Variants in THTPA observed in about 807,000 individuals in gnomAD.
THTPA encodes the protein thiamine triphosphatase.
In THTPA, 16 loss-of-function variants were observed where a neutral mutation model predicts 16.5. That is an observed-to-expected ratio of 0.97 (90% CI 0.66 to 1.47). THTPA has a LOEUF of 1.47. Ranked by LOEUF, THTPA falls within the 40% of genes most tolerant of loss-of-function variation. THTPA has a pLI of 0.00. For synonymous variants in THTPA, 110 were observed against 115.5 expected (o/e 0.95, Z 0.30); for missense variants, 281 against 280.9 (o/e 1.00, Z 0.00).
chr14:23,548,511 G>A, the THTPA span: 11 of 152,218 alleles, frequency 7.2e-5, no homozygotes, highest in Admixed American at 7.2e-4. Context: ...ACCCTGTCAG[G>A]TTGCCAAGGC....
At chr14:23,534,018 G>T in the THTPA span, 1 of 1,536,916 alleles carries the variant, frequency 6.5e-7, no homozygotes, top group Non-Finnish European at 8.7e-7. This position sits in a 1 kb window ranked among gnomAD's most constrained non-coding sequence, Gnocchi z 4.5. Context: ...GGCTGGACAG[G>T]CTGAGGCCCT....
chr14:23,520,362 A>C, the THTPA span, among the ~76,000 whole-genome samples: 86 of 149,210 alleles, frequency 5.8e-4, no homozygotes, highest in South Asian at 0.018. The surrounding 1 kb of genome is among the most constrained non-coding windows in gnomAD (Gnocchi z 8.7). Context: ...ACTGGGGGGA[A>C]GGGAACAAGG....
At chr14:23,522,986 C>A in the THTPA span, 1 of 1,425,856 alleles carries the variant, frequency 7.0e-7, no homozygotes, top group Non-Finnish European at 9.1e-7. Context: ...ATCTCCTGTC[C>A]CATCATTCTT....
At position 23,557,242 on chromosome 14, in the gene THTPA, T is replaced by C; in HGVS notation, c.485T>C (p.Val162Ala). ...GYAVGEVEAL[V>A]HEEAEVPTAL... ...GCTGTGGGTGAGGTAGAGGCCCTGG[T>C]GCATGAGGAGGCTGAAGTACCAACT... is the stretch of plus-strand genomic sequence containing the variant. The change falls in exon 1 of 2, where the codon GTG becomes GCG. Residue 162 changes from valine to alanine, a missense_variant. By Grantham distance (64) the Val-to-Ala change is moderately conservative. Transcript: ENST00000288014. 6.2e-7 allele frequency: 1 copy of C among 1,612,722 alleles called. No homozygotes were observed. The highest frequency in any genetic ancestry group is 1.1e-5 in the South Asian group (1 of 91,046).
At chr14:23,523,155 G>C in the THTPA span, 1 of 1,411,214 alleles carries the variant, frequency 7.1e-7, no homozygotes, top group Non-Finnish European at 9.2e-7. This position sits in a 1 kb window ranked among gnomAD's most constrained non-coding sequence, Gnocchi z 4.1. Flanking sequence ...CATGTCATTA[G>C]AGGGGGATGT....
At chr14:23,540,816 C>A in the THTPA span, among the ~76,000 whole-genome samples, 1 of 152,228 alleles carries the variant, frequency 6.6e-6, no homozygotes, top group Non-Finnish European at 1.5e-5. Context: ...TAGTTCTTTT[C>A]CTTCTCTCTT....
chr14:23,534,305 T>C, the THTPA span: 1 of 1,535,530 alleles, frequency 6.5e-7, no homozygotes, highest in Non-Finnish European at 8.7e-7. This position sits in a 1 kb window ranked among gnomAD's most constrained non-coding sequence, Gnocchi z 4.5. Context: ...CTGAGGGCCA[T>C]AACTTCTTCA....
rs1356989154 is a variant in THTPA at position 23,557,247 on chromosome 14, G to A, written c.490G>A (p.Glu164Lys). 3 of 1,612,022 alleles carry A rather than the reference G, an allele frequency of 1.9e-6. No individual in the cohort carries two copies. The highest frequency in any genetic ancestry group is 2.5e-6 in the Non-Finnish European group (3 of 1,179,926). Residue 164 changes from glutamate (E) to lysine (K), a missense_variant, in exon 1 of 2, where the codon GAG becomes AAG. Coordinates refer to ENST00000288014, the MANE Select transcript of THTPA (RefSeq NM_024328.6). ...AVGEVEALVH[E>K]EAEVPTALEK... ...GGGTGAGGTAGAGGCCCTGGTGCAT[G>A]AGGAGGCTGAAGTACCAACTGCCCT...
the THTPA span, chr14:23,535,317 G>A: frequency 6.9e-7 from 1 of 1,457,130 alleles, no homozygotes; most frequent in Non-Finnish European, 9.0e-7. The surrounding 1 kb of genome is among the most constrained non-coding windows in gnomAD (Gnocchi z 4.5). Flanking sequence ...CTGAGTTAAG[G>A]GTGGCCATGG....
In THTPA at chr14:23,556,599, G is replaced by A; in HGVS notation, c.-159G>A. The stretch of plus-strand genomic sequence containing the variant: ...GGCCTTAATGTCACCGAGGTAGAGA[G>A]AAAAGGGCAGTAGCCCTAGAGACTA... On this transcript the variant is annotated 5_prime_UTR_variant, in exon 1 of 2. Transcript: ENST00000288014. 2.7e-6 allele frequency: 2 copies of A among 741,474 alleles called. No homozygotes were observed. Among genetic ancestry groups the A allele is most frequent in the South Asian group, 1.9e-5 (1 of 51,588 alleles). 45.9% of individuals were successfully genotyped at this position (741,474 alleles called of 1,614,324 possible).
At chr14:23,529,012 T>C in the THTPA span, among the ~76,000 whole-genome samples, 27 of 152,366 alleles carry the variant, frequency 1.8e-4, no homozygotes, top group Middle Eastern at 3.4e-3. Flanking sequence ...GAAGAAAAGA[T>C]GCTGAGGACA....
chr14:23,525,105 A>G, the THTPA span: 1 of 1,536,146 alleles, frequency 6.5e-7, no homozygotes, highest in Non-Finnish European at 8.7e-7. This position sits in a 1 kb window ranked among gnomAD's most constrained non-coding sequence, Gnocchi z 5.9. Context: ...GTCTCAAAGA[A>G]AGACTGCAGG....
chr14:23,553,161 T>C (rs1882099479), upstream of THTPA, among the ~76,000 whole-genome samples: 1 of 152,190 alleles, frequency 6.6e-6, no homozygotes, highest in Non-Finnish European at 1.5e-5. Flanking sequence ...TGCTATAGCC[T>C]ACTTCTCTTA....
At chr14:23,545,954 T>C in the THTPA span, among the ~76,000 whole-genome samples, 1 of 152,186 alleles carries the variant, frequency 6.6e-6, no homozygotes, top group Non-Finnish European at 1.5e-5. Context: ...CTGCCCTCCT[T>C]CACTGAGAAG....
At chr14:23,512,105 C>T in the THTPA span, among the ~76,000 whole-genome samples, 2 of 152,070 alleles carry the variant, frequency 1.3e-5, no homozygotes, top group Non-Finnish European at 2.9e-5. Flanking sequence ...TGGCAGCCTG[C>T]CCTGTAGGAA....
the THTPA span, chr14:23,523,899 T>C: frequency 3.3e-6 from 5 of 1,536,172 alleles, no homozygotes; most frequent in Non-Finnish European, 4.4e-6. This position sits in a 1 kb window ranked among gnomAD's most constrained non-coding sequence, Gnocchi z 4.1. Flanking sequence ...GGAGAAGCTT[T>C]AGGTGGTTCC....
upstream of THTPA, among the ~76,000 whole-genome samples, chr14:23,554,216 AG>A (rs1882179201): frequency 1.3e-5 from 2 of 152,142 alleles, no homozygotes; most frequent in Non-Finnish European, 2.9e-5. Context: ...TTATAACATA[AG>A]GAAAAATTAG....
At chr14:23,528,166 C>T in the THTPA span, among the ~76,000 whole-genome samples, 3 of 152,304 alleles carry the variant, frequency 2.0e-5, 1 homozygote, top group Middle Eastern at 6.8e-3. Context: ...ATCTTGGCTT[C>T]CCAAAGTGCT....
the THTPA span, among the ~76,000 whole-genome samples, chr14:23,537,001 G>A: frequency 3.3e-5 from 5 of 151,962 alleles, no homozygotes; most frequent in Middle Eastern, 3.4e-3. Context: ...TTAGTTGGGC[G>A]TGGTGGTGCA....
Sources: gnomAD v4.1 joint callset for allele counts (sites outside exome capture counted in the v4.1 genomes callset) on GRCh38, gnomAD v4.1.1 for gene constraint, Gnocchi (gnomAD v3.1) non-coding constraint, MANE v1.5 for transcripts, NCBI Gene and HGNC (gene_info 2026-07-23, HGNC 2026-07-21) for gene names.